Variants in NENF observed in about 807,000 individuals in gnomAD.
NENF encodes neudesin.
Under a neutral mutation model 14.8 loss-of-function variants are expected in NENF, and 6 were observed. The ratio of observed to expected loss-of-function variants is 0.40; its 90% confidence interval spans 0.22 to 0.80. NENF has a LOEUF of 0.80. Among genes scored for constraint, NENF ranks in the 30% least tolerant of loss-of-function variants. The probability of loss-of-function intolerance (pLI) is 0.34; values close to 1 mark genes in which losing one functional copy is unlikely to be tolerated. For missense variants in NENF, 184 were observed against 212.7 expected, an observed-to-expected ratio of 0.87 and a Z score of 0.84; for synonymous variants, 76 against 95.1, an observed-to-expected ratio of 0.80 and a Z score of 1.17.
chr1:212,445,659 G>GCC (rs916204064), intron 3 of NENF, among the ~76,000 whole-genome samples, 171 bp from the exon 4 acceptor site: 9 of 75,126 alleles, frequency 1.2e-4, no homozygotes, highest in African/African-American at 4.6e-4. Flanking sequence ...CCACCCCCAC[G>GCC]CCCCCCCCAC....
intron 1 of NENF, 141 bp from the exon 2 acceptor site, chr1:212,442,424 C>G: frequency 1.5e-6 from 1 of 673,674 alleles, no homozygotes; most frequent in South Asian, 1.8e-5. Flanking sequence ...GCAAGCTCGC[C>G]AAGGACCAGG....
At chr1:212,442,850 C>A (rs546187915) in intron 2 of NENF, among the ~76,000 whole-genome samples, 2 of 152,172 alleles carry the variant, frequency 1.3e-5, no homozygotes, top group Non-Finnish European at 2.9e-5. Flanking sequence ...TCAAGCAATT[C>A]TCTGCCTCAG....
At chr1:212,439,560 T>G (rs946951090) in intron 1 of NENF, among the ~76,000 whole-genome samples, 1 of 146,196 alleles carries the variant, frequency 6.8e-6, no homozygotes, top group African/African-American at 2.5e-5. Flanking sequence ...AAAAAGATTG[T>G]TTGCCGGGCG....
chr1:212,443,654 T>C (rs1281919905), intron 2 of NENF, among the ~76,000 whole-genome samples: 2 of 152,066 alleles, frequency 1.3e-5, no homozygotes, highest in Non-Finnish European at 2.9e-5. Flanking sequence ...CTTCTCAGAG[T>C]GCTGGGATTA....
chr1:212,443,710 G>A (rs1241745893), intron 2 of NENF, among the ~76,000 whole-genome samples: 2 of 152,060 alleles, frequency 1.3e-5, no homozygotes, highest in South Asian at 2.1e-4. Flanking sequence ...ATATTTTTAA[G>A]AGACTATTTT....
chr1:212,442,847 A>G (rs1403355866), intron 2 of NENF, among the ~76,000 whole-genome samples: 2 of 151,968 alleles, frequency 1.3e-5, no homozygotes, highest in Non-Finnish European at 2.9e-5. Context: ...GGTTCAAGCA[A>G]TTCTCTGCCT....
At chr1:212,441,213 A>G (rs1662693981) in intron 1 of NENF, among the ~76,000 whole-genome samples, 1 of 152,234 alleles carries the variant, frequency 6.6e-6, no homozygotes, top group South Asian at 2.1e-4. Context: ...AAATGTTGTT[A>G]CAGGACAAAC....
At chr1:212,437,635 C>T (rs976227280) in intron 1 of NENF, among the ~76,000 whole-genome samples, 4 of 152,118 alleles carry the variant, frequency 2.6e-5, no homozygotes. Flanking sequence ...CAGGGATTTG[C>T]GTAGTTTCTC....
Position 212,433,191 on chromosome 1 carries a change from A to G in NENF, c.177+71A>G. On this transcript the variant is annotated intron_variant, in intron 1 of 3. Coordinates refer to ENST00000366988, the MANE Select transcript of NENF (RefSeq NM_013349.5). The surrounding 1 kb of genome is among the most constrained non-coding windows in gnomAD (Gnocchi z 5.5). ...TCTGCGGCGAGCCGAGCGGGGACCCAGGAGGCGCCGGCGGCCCAGGAAGCT... is the reference window on the plus strand; with the variant it reads ...TCTGCGGCGAGCCGAGCGGGGACCCGGGAGGCGCCGGCGGCCCAGGAAGCT... 1 of 1,020,340 alleles carries G rather than the reference A, an allele frequency of 9.8e-7. No individual in the cohort carries two copies. Among genetic ancestry groups the G allele is most frequent in the Non-Finnish European group, 1.2e-6 (1 of 821,254 alleles). The allele number at this position is 1,020,340 out of a possible 1,614,324, so 63.2% of individuals were successfully genotyped here. A position where few individuals can be genotyped will look rare whatever the true frequency, so the allele number is the denominator to read the frequency against.
intron 1 of NENF, among the ~76,000 whole-genome samples, chr1:212,437,936 T>C (rs1235010272): frequency 6.6e-6 from 1 of 152,164 alleles, no homozygotes; most frequent in East Asian, 1.9e-4. Flanking sequence ...GAAAGATCGC[T>C]TAAGCCCAGG....
intron 1 of NENF, among the ~76,000 whole-genome samples, chr1:212,436,307 C>CTTTTTT (rs71573839): frequency 1.8e-5 from 2 of 112,636 alleles, no homozygotes; most frequent in Non-Finnish European, 3.6e-5. Context: ...GCCCATGGGT[C>CTTTTTT]TTTTTTTTTT....
Position 212,442,491 on chromosome 1 carries a change from A to T in NENF, c.178-74A>T, listed in dbSNP as rs1571704357. The T allele has an allele frequency of 3.5e-6, 4 of 1,133,950 alleles. No individual in the cohort carries two copies. In the East Asian group the frequency reaches 9.4e-5, roughly 27 times the overall value. The allele number at this position is 1,133,950 out of a possible 1,614,324, so 70.2% of individuals were successfully genotyped here. ...TGCTCTTTGCTCAGCTTGTGATGGG[A>T]GAAGATTTTACTAAGTTGCACTGGA... On this transcript the variant is annotated intron_variant, in intron 1 of 3. Coordinates refer to ENST00000366988, the MANE Select transcript of NENF (RefSeq NM_013349.5).
rs371937877 is a variant in NENF, at chr1:212,444,379, G to A, written c.279G>A (p.Gly93=). ...GRGAPYNALT[G]KDSTRGVAKM... The stretch of plus-strand genomic sequence containing the variant: ...GAGCCCCCTACAATGCCTTGACGGG[G>A]AAGGACTCCACTAGAGGGGTAGCCA... The change falls in exon 3 of 4, where the codon GGG becomes GGA. Residue 93 remains glycine (G), a synonymous_variant. Transcript: ENST00000366988. 14 of 1,607,738 alleles carry A rather than the reference G, an allele frequency of 8.7e-6. No homozygotes were observed. The African/African-American group carries it at 1.9e-4, about 22-fold the overall frequency.
intron 2 of NENF, among the ~76,000 whole-genome samples, chr1:212,443,701 T>C (rs1558194018): frequency 6.6e-6 from 1 of 152,090 alleles, no homozygotes; most frequent in Non-Finnish European, 1.5e-5. Context: ...GCATCTCTAA[T>C]ATTTTTAAGA....
intron 3 of NENF, among the ~76,000 whole-genome samples, 163 bp from the exon 4 acceptor site, chr1:212,445,667 C>CA (rs1408162692): frequency 1.3e-5 from 2 of 149,008 alleles, no homozygotes; most frequent in Admixed American, 6.7e-5. Context: ...ACGCCCCCCC[C>CA]ACAGCAGTGT....
intron 2 of NENF, among the ~76,000 whole-genome samples, chr1:212,443,691 G>A (rs1193011459): frequency 2.0e-5 from 3 of 152,022 alleles, no homozygotes; most frequent in East Asian, 3.9e-4. Flanking sequence ...CACCCAGCCT[G>A]CATCTCTAAT....
intron 3 of NENF, 103 bp downstream of exon 3, chr1:212,444,545 GTGTGTGTGTGTGTGTGTGTGTGTA>G (rs1483878251): frequency 9.4e-5 from 46 of 489,000 alleles, no homozygotes; most frequent in African/African-American, 1.6e-4. Context: ...GTGTGTGTGT[GTGTGTGTGTGTGTGTGTGTGTGTA>G]TCTGGGCAAG....
Position 212,445,916 on chromosome 1 carries a change from T to G in NENF, c.429T>G (p.Thr143=), listed in dbSNP as rs916841748. 6.2e-7 allele frequency: 1 copy of G among 1,614,040 alleles called. No individual in the cohort carries two copies. The highest frequency in any genetic ancestry group is 1.3e-5 in the African/African-American group (1 of 74,902). ...CCAAATACCCCATCGTCGGCTACAC[T>G]GCCCGGAGAATTCTCAATGAGGATG... is the stretch of plus-strand genomic sequence containing the variant. The part of the protein sequence containing the change: ...YKAKYPIVGY[T]ARRILNEDGS... Residue 143 remains threonine, a synonymous_variant, in exon 4 of 4, where the codon ACT becomes ACG. Coordinates refer to ENST00000366988, the MANE Select transcript of NENF (RefSeq NM_013349.5).
At chr1:212,440,022 C>T (rs893399322) in intron 1 of NENF, among the ~76,000 whole-genome samples, 2 of 151,958 alleles carry the variant, frequency 1.3e-5, no homozygotes, top group Admixed American at 1.3e-4. Flanking sequence ...GAGGCCGAGG[C>T]GGGCAGATCA....
Sources: gnomAD v4.1 joint callset for allele counts (sites outside exome capture counted in the v4.1 genomes callset) on GRCh38, gnomAD v4.1.1 for gene constraint, Gnocchi (gnomAD v3.1) non-coding constraint, MANE v1.5 for transcripts, NCBI Gene and HGNC (gene_info 2026-07-23, HGNC 2026-07-21) for gene names.